The following KLHL7 variants were observed in gnomAD, a reference collection of about 807,000 sequenced individuals.
The protein encoded by KLHL7 is kelch-like protein 7.
KLHL7 carries 44 observed loss-of-function variants against 67.4 expected under a neutral mutation model. That is an observed-to-expected ratio of 0.65 (90% CI 0.51 to 0.84). The LOEUF is 0.84. KLHL7 is among the 40% of genes least tolerant of loss of function. The probability of loss-of-function intolerance (pLI) is 0.00; values close to 1 mark genes in which losing one functional copy is unlikely to be tolerated. For synonymous variants in KLHL7, 252 were observed against 243.3 expected (o/e 1.04, Z -0.33); for missense variants, 362 against 718.1 (o/e 0.50, Z 5.67).
In KLHL7 at chr7:23,123,827, T is replaced by C; in HGVS notation, c.171T>C (p.Ala57=). Residue 57 remains alanine (A), a synonymous_variant, in exon 2 of 11, where the codon GCT becomes GCC. Transcript: ENST00000339077. ...TGGTCCAGGAAAGAAAGATACCTGC[T>C]CATCGTGTTGTTCTTGCTGCAGCCA... ...ILMVQERKIP[A]HRVVLAAASH... 1.2e-6 allele frequency: 2 copies of C among 1,613,900 alleles called. No homozygotes were observed. Among genetic ancestry groups the C allele is most frequent in the Non-Finnish European group, 1.7e-6 (2 of 1,179,928 alleles).
At chr7:23,129,455 T>TG (rs1219486324) in intron 4 of KLHL7, 1 of 353,738 alleles carries the variant, frequency 2.8e-6, no homozygotes, top group Non-Finnish European at 5.5e-6. Flanking sequence ...CCAAGGACAC[T>TG]GCCATAGGCA....
chr7:23,126,520 G>C (rs1783579554), intron 4 of KLHL7, among the ~76,000 whole-genome samples: 1 of 152,182 alleles, frequency 6.6e-6, no homozygotes, highest in Admixed American at 6.5e-5. Context: ...TCAGTGCTAA[G>C]ATATTTGACC....
chr7:23,123,959 C>A, intron 2 of KLHL7, 80 bp downstream of exon 2: 1 of 1,041,328 alleles, frequency 9.6e-7, no homozygotes, highest in East Asian at 2.5e-5. Flanking sequence ...TGTCATTTTT[C>A]TAATTTTTAA....
At chr7:23,135,461 G>A (rs886817619) in intron 4 of KLHL7, among the ~76,000 whole-genome samples, 5 of 152,158 alleles carry the variant, frequency 3.3e-5, no homozygotes, top group African/African-American at 1.2e-4. Flanking sequence ...GGTCTATAGT[G>A]CAGATTAAGT....
intron 7 of KLHL7, among the ~76,000 whole-genome samples, chr7:23,165,019 CAT>C (rs1309478789): frequency 6.6e-6 from 1 of 152,244 alleles, no homozygotes; most frequent in Non-Finnish European, 1.5e-5. Context: ...TGCTATCAAA[CAT>C]AGTGAAGAAA....
At chr7:23,161,130 C>T (rs1198570588) in intron 7 of KLHL7, among the ~76,000 whole-genome samples, 5 of 152,066 alleles carry the variant, frequency 3.3e-5, no homozygotes, top group African/African-American at 9.7e-5. Flanking sequence ...TAAAAAAATA[C>T]ATATTCTTTG....
chr7:23,105,910 G>T lies in KLHL7; in HGVS notation c.-117G>T. 2 of 1,470,506 alleles carry T rather than the reference G, an allele frequency of 1.4e-6. No homozygotes were observed. The highest frequency in any genetic ancestry group is 1.8e-6 in the Non-Finnish European group (2 of 1,088,100). The allele number at this position is 1,470,506 out of a possible 1,614,324, so 91.1% of individuals were successfully genotyped here. On this transcript the variant is annotated 5_prime_UTR_variant, in exon 1 of 11. Coordinates refer to ENST00000339077, the MANE Select transcript of KLHL7 (RefSeq NM_001031710.3). Reference sequence around the variant, plus strand: ...CGCCTGCCGCGCGTTCCAGAGCTGGGCGCTGCAGCTGCACTGCCGATCGCC... The same window carrying T: ...CGCCTGCCGCGCGTTCCAGAGCTGGTCGCTGCAGCTGCACTGCCGATCGCC...
At chr7:23,127,058 T>C (rs1164428273) in intron 4 of KLHL7, among the ~76,000 whole-genome samples, 1 of 152,210 alleles carries the variant, frequency 6.6e-6, no homozygotes, top group African/African-American at 2.4e-5. Context: ...ACTTCCATTA[T>C]ATAAATAATT....
At chr7:23,139,283 T>A (rs1404764213) in intron 4 of KLHL7, among the ~76,000 whole-genome samples, 1 of 152,160 alleles carries the variant, frequency 6.6e-6, no homozygotes, top group East Asian at 1.9e-4. Flanking sequence ...GGATTTACTT[T>A]AAAAATGACA....
In KLHL7 at chr7:23,143,934, G is replaced by C; in HGVS notation, c.702G>C (p.Arg234Ser). The change falls in exon 6 of 11, where the codon AGG becomes AGC. Residue 234 changes from arginine (R) to serine (S), a missense_variant. This residue lies in a region of KLHL7 where 155 missense variants were observed against 280.8 expected (regional missense o/e 0.55). Coordinates refer to ENST00000339077, the MANE Select transcript of KLHL7 (RefSeq NM_001031710.3). ...PFMVDILAKVRFPLISKNFLS... is the reference protein window; with the variant it reads ...PFMVDILAKVSFPLISKNFLS... Reference sequence around the variant, plus strand: ...TGGTTGATATCCTTGCTAAAGTCAGGTTTCCTCTTATATCAAAGAATTTCT... The same window carrying C: ...TGGTTGATATCCTTGCTAAAGTCAGCTTTCCTCTTATATCAAAGAATTTCT... 6.2e-7 allele frequency: 1 copy of C among 1,614,006 alleles called. No homozygotes were observed. Among genetic ancestry groups the C allele is most frequent in the Non-Finnish European group, 8.5e-7 (1 of 1,179,932 alleles).
At chr7:23,162,978 GA>G (rs1784892484) in intron 7 of KLHL7, among the ~76,000 whole-genome samples, 1 of 152,098 alleles carries the variant, frequency 6.6e-6, no homozygotes, top group Non-Finnish European at 1.5e-5. Flanking sequence ...TATTAAAAAT[GA>G]AAAGTATTTC....
At chr7:23,128,674 C>T (rs991403372) in intron 4 of KLHL7, among the ~76,000 whole-genome samples, 2 of 151,708 alleles carry the variant, frequency 1.3e-5, no homozygotes, top group African/African-American at 4.8e-5. Context: ...TATTTTACCA[C>T]ATTAAAAAAA....
At chr7:23,151,422 C>G (rs4289704) in intron 6 of KLHL7, among the ~76,000 whole-genome samples, 3,575 of 152,180 alleles carry the variant, frequency 0.023, 134 homozygotes, top group African/African-American at 0.077. Flanking sequence ...TAGTTCTGAC[C>G]TTATTGCATT....
chr7:23,137,248 G>A (rs1276468558), intron 4 of KLHL7, among the ~76,000 whole-genome samples: 1 of 152,162 alleles, frequency 6.6e-6, no homozygotes, highest in African/African-American at 2.4e-5. Flanking sequence ...TTGCGCCATT[G>A]CACTCCAGCC....
chr7:23,173,697 T>G (rs2128470546), intron 10 of KLHL7, among the ~76,000 whole-genome samples: 1 of 152,328 alleles, frequency 6.6e-6, no homozygotes, highest in African/African-American at 2.4e-5. Context: ...GAAGGACATT[T>G]GAGTAATTAT....
In KLHL7 at chr7:23,123,760, AT is replaced by A. The variant is rs1783447459; in HGVS notation, c.121-12del. ...TAGTGAGCCTCTTTTTATTTTATGTATTTTTCCTTTGATTAGAAAACGTTGT... is the reference window on the plus strand; with the variant it reads ...TAGTGAGCCTCTTTTTATTTTATGTATTTTCCTTTGATTAGAAAACGTTGT... On this transcript the variant is annotated splice_polypyrimidine_tract_variant and intron_variant, in intron 1 of 10. Coordinates refer to ENST00000339077, the MANE Select transcript of KLHL7 (RefSeq NM_001031710.3). The A allele has an allele frequency of 1.3e-6, 2 of 1,574,232 alleles. No homozygotes were observed. Among genetic ancestry groups the A allele is most frequent in the South Asian group, 2.2e-5 (2 of 90,132 alleles).
At chr7:23,106,194 G>A (rs1478800256) in intron 1 of KLHL7, 48 bp downstream of exon 1, 1 of 1,596,112 alleles carries the variant, frequency 6.3e-7, no homozygotes, top group South Asian at 1.1e-5. Context: ...GTGGTCCGGG[G>A]CTCGGGCCCC....
intron 7 of KLHL7, among the ~76,000 whole-genome samples, chr7:23,160,469 T>C (rs1784826189): frequency 6.6e-6 from 1 of 152,268 alleles, no homozygotes; most frequent in African/African-American, 2.4e-5. Flanking sequence ...TTTGTGACTT[T>C]ATAAAGCAGC....
At chr7:23,113,659 C>T (rs750687249) in intron 1 of KLHL7, among the ~76,000 whole-genome samples, 4 of 152,106 alleles carry the variant, frequency 2.6e-5, no homozygotes, top group Admixed American at 1.3e-4. Context: ...GGTGAAACCC[C>T]GTCTCTACTA....
Sources: gnomAD v4.1 joint callset for allele counts (sites outside exome capture counted in the v4.1 genomes callset) on GRCh38, gnomAD v4.1.1 for gene constraint, gnomAD v4.1.1 regional missense constraint, MANE v1.5 for transcripts, NCBI Gene and HGNC (gene_info 2026-07-23, HGNC 2026-07-21) for gene names.